The following GDPD4 variants were observed in gnomAD, a reference collection of about 807,000 sequenced individuals.
The protein encoded by GDPD4 is glycerophosphodiester phosphodiesterase 6.
In GDPD4, 60 loss-of-function variants were observed where a neutral mutation model predicts 67.8. The observed-to-expected ratio is 0.88, with a 90% CI of 0.72 to 1.10. The LOEUF (loss-of-function observed/expected upper bound fraction) is 1.10. GDPD4 is among the 50% of genes least tolerant of loss of function. The pLI, the probability that GDPD4 is intolerant of heterozygous loss-of-function variation, is 0.00. For missense variants in GDPD4, 623 were observed against 613.9 expected, an observed-to-expected ratio of 1.01 and a Z score of -0.16; for synonymous variants, 212 against 210.9, an observed-to-expected ratio of 1.00 and a Z score of -0.04.
chr11:77,251,171 A>G (rs918899026), intron 11 of GDPD4, among the ~76,000 whole-genome samples: 1 of 152,130 alleles, frequency 6.6e-6, no homozygotes, highest in African/African-American at 2.4e-5. Context: ...GACTTACTGT[A>G]GTCATTTTGT....
chr11:77,289,126 C>T (rs1449513775), intron 1 of GDPD4, among the ~76,000 whole-genome samples: 1 of 151,756 alleles, frequency 6.6e-6, no homozygotes, highest in East Asian at 1.9e-4. Context: ...CTTTGGGAGG[C>T]CAAGGTGGAT....
At chr11:77,244,224 G>C (rs1958735223) in intron 12 of GDPD4, among the ~76,000 whole-genome samples, 1 of 152,064 alleles carries the variant, frequency 6.6e-6, no homozygotes, top group African/African-American at 2.4e-5. Flanking sequence ...TAGTAGAGAT[G>C]GTGTTCCACC....
At chr11:77,220,297 G>C (rs1184285773) in intron 16 of GDPD4, among the ~76,000 whole-genome samples, 1 of 152,172 alleles carries the variant, frequency 6.6e-6, no homozygotes, top group Non-Finnish European at 1.5e-5. Flanking sequence ...GTTTTCAAAG[G>C]GAATGCTTCC....
At chr11:77,293,558 C>A (rs1006139617) in intron 1 of GDPD4, among the ~76,000 whole-genome samples, 7 of 149,692 alleles carry the variant, frequency 4.7e-5, no homozygotes, top group Non-Finnish European at 7.4e-5. Flanking sequence ...CACACCACTG[C>A]ACTCCAGCCT....
At chr11:77,245,085 A>G (rs575269520) in intron 12 of GDPD4, among the ~76,000 whole-genome samples, 196 bp downstream of exon 12, 1 of 152,320 alleles carries the variant, frequency 6.6e-6, no homozygotes, top group South Asian at 2.1e-4. Flanking sequence ...GATTTTCCCC[A>G]CTGAGATAAA....
Position 77,245,240 on chromosome 11 carries a change from C to A in GDPD4, c.1086+41G>T, listed in dbSNP as rs1329175281. ...CTACTGTGCTCCTAGGACATGCTAC[C>A]CACCTCCCAACCTATGTCATAAATA... On this transcript the variant is annotated intron_variant, in intron 12 of 16. Transcript: ENST00000315938. 4.0e-6 allele frequency: 6 copies of A among 1,507,592 alleles called. No individual in the cohort carries two copies. The South Asian group carries it at 6.8e-5, about 17-fold the overall frequency. The allele number at this position is 1,507,592 out of a possible 1,614,324, so 93.4% of individuals were successfully genotyped here.
intron 5 of GDPD4, among the ~76,000 whole-genome samples, chr11:77,274,405 C>T (rs1028305114): frequency 2.6e-5 from 4 of 152,168 alleles, no homozygotes; most frequent in Admixed American, 1.3e-4. Context: ...ACAGCTCCCT[C>T]ATGAATGGCT....
At chr11:77,252,534 T>G (rs10899366) in intron 11 of GDPD4, among the ~76,000 whole-genome samples, 129,574 of 152,110 alleles carry the variant, frequency 0.85, 57,206 homozygotes, top group Non-Finnish European at 0.97. Context: ...GTTCAGGTCT[T>G]TTACTAGAGT....
At chr11:77,237,599 C>T (rs911290576) in intron 13 of GDPD4, among the ~76,000 whole-genome samples, 1 of 152,158 alleles carries the variant, frequency 6.6e-6, no homozygotes, top group South Asian at 2.1e-4. Context: ...GTTGAAAGTA[C>T]ACAGGTTTGT....
intron 4 of GDPD4, among the ~76,000 whole-genome samples, chr11:77,276,975 C>T (rs1487833103): frequency 2.0e-5 from 3 of 151,724 alleles, no homozygotes; most frequent in African/African-American, 7.3e-5. Flanking sequence ...TTACATAGTA[C>T]CTAAAGATAG....
chr11:77,298,698 G>T (rs537611471), intron 1 of GDPD4, among the ~76,000 whole-genome samples: 1 of 152,154 alleles, frequency 6.6e-6, no homozygotes, highest in East Asian at 1.9e-4. Context: ...CTTTAGGATC[G>T]GAAGGGTCTG....
At chr11:77,274,366 G>A (rs1275281789) in intron 5 of GDPD4, among the ~76,000 whole-genome samples, 2 of 152,148 alleles carry the variant, frequency 1.3e-5, no homozygotes, top group Non-Finnish European at 2.9e-5. Flanking sequence ...CTGGAGGTGG[G>A]CATAGTGGGA....
At chr11:77,223,993 G>C (rs1274610364) in intron 16 of GDPD4, among the ~76,000 whole-genome samples, 1 of 152,234 alleles carries the variant, frequency 6.6e-6, no homozygotes, top group African/African-American at 2.4e-5. Context: ...CGTGGGACCT[G>C]CTGAACCAGG....
intron 16 of GDPD4, among the ~76,000 whole-genome samples, chr11:77,217,856 CAAG>C (rs112134320): frequency 1.2e-4 from 18 of 152,244 alleles, no homozygotes; most frequent in South Asian, 6.2e-4. Context: ...TATACAAAAA[CAAG>C]AAAACATCTT....
At chr11:77,267,273 T>A (rs1317515292) in intron 10 of GDPD4, among the ~76,000 whole-genome samples, 8 of 152,226 alleles carry the variant, frequency 5.3e-5, no homozygotes, top group African/African-American at 1.9e-4. Flanking sequence ...TCTAGGTTTG[T>A]GTAAGTTCAC....
intron 10 of GDPD4, among the ~76,000 whole-genome samples, chr11:77,266,842 CTAAG>C (rs1959180538): frequency 6.6e-6 from 1 of 152,176 alleles, no homozygotes. Flanking sequence ...TGTGCTTACA[CTAAG>C]TGTTATCACA....
At chr11:77,299,142 A>T (rs1311826002) in intron 1 of GDPD4, among the ~76,000 whole-genome samples, 3 of 152,178 alleles carry the variant, frequency 2.0e-5, no homozygotes, top group African/African-American at 7.2e-5. Context: ...TTTATGAGAC[A>T]GGGGCCGGAG....
At position 77,245,450 on chromosome 11, in the gene GDPD4, G is replaced by C. The variant is rs747412510; in HGVS notation, c.917C>G (p.Ala306Gly). 2.5e-6 allele frequency: 4 copies of C among 1,614,074 alleles called. 1 individual carries two copies. The South Asian group carries it at 4.4e-5, about 18-fold the overall frequency. ...TAGTGTTGGAATTGACTGATTTCTT[G>C]CTCTTTCTTTATCTGCCTCTGATAG... ...KPLSEADKERARNQSIPTLAD... is the reference protein window; with the variant it reads ...KPLSEADKERGRNQSIPTLAD... The change falls in exon 12 of 17, where the codon GCA (alanine) becomes GGA (glycine). Residue 306 changes from alanine to glycine, a missense_variant. Ala to Gly is a moderately conservative substitution (Grantham distance 60). Transcript: ENST00000315938.
chr11:77,292,402 C>A (rs1937809561), intron 1 of GDPD4, among the ~76,000 whole-genome samples: 1 of 151,858 alleles, frequency 6.6e-6, no homozygotes, highest in Non-Finnish European at 1.5e-5. Flanking sequence ...ACCTTTTGAA[C>A]TGAATAGAAA....
Sources: allele counts gnomAD v4.1 joint callset (sites outside exome capture counted in the v4.1 genomes callset), GRCh38; gene constraint gnomAD v4.1.1; transcripts MANE v1.5; gene names NCBI Gene and HGNC (gene_info 2026-07-23, HGNC 2026-07-21).